The following ABTB3 variants were observed in gnomAD, a reference collection of about 807,000 sequenced individuals.
ABTB3 encodes the protein ankyrin repeat and BTB domain containing 3.
At chr12:107,524,131 G>A in the ABTB3 span, among the ~76,000 whole-genome samples, 3 of 152,226 alleles carry the variant, frequency 2.0e-5, no homozygotes, top group African/African-American at 7.2e-5. Flanking sequence ...ATTAAATGCT[G>A]TCCTCATTGA....
At chr12:107,449,579 G>C in the ABTB3 span, among the ~76,000 whole-genome samples, 1 of 152,140 alleles carries the variant, frequency 6.6e-6, no homozygotes, top group Admixed American at 6.5e-5. Flanking sequence ...GTTACAGACT[G>C]TCTGAGTACC....
At chr12:107,620,122 C>T in the ABTB3 span, 8 of 1,614,022 alleles carry the variant, frequency 5.0e-6, no homozygotes, top group East Asian at 2.2e-5. Flanking sequence ...AGCTCGTTAC[C>T]CAAGGCCTGC....
the ABTB3 span, among the ~76,000 whole-genome samples, chr12:107,513,867 G>T: frequency 6.6e-6 from 1 of 152,216 alleles, no homozygotes; most frequent in African/African-American, 2.4e-5. Context: ...GCCCAGAGCA[G>T]CAGCTTTCAT....
At chr12:107,634,202 G>C in the ABTB3 span, among the ~76,000 whole-genome samples, 1 of 152,132 alleles carries the variant, frequency 6.6e-6, no homozygotes, top group Admixed American at 6.5e-5. Flanking sequence ...CAATGAAGTA[G>C]GTAGATTTAA....
At chr12:107,348,712 G>T in the ABTB3 span, among the ~76,000 whole-genome samples, 3 of 152,172 alleles carry the variant, frequency 2.0e-5, no homozygotes, top group Non-Finnish European at 4.4e-5. Context: ...GTGACAGAGT[G>T]AGACCCTGTC....
At chr12:107,464,093 C>T in the ABTB3 span, among the ~76,000 whole-genome samples, 1 of 152,120 alleles carries the variant, frequency 6.6e-6, no homozygotes, top group Non-Finnish European at 1.5e-5. Context: ...ACTTTTCTTG[C>T]CTTGATTGGG....
the ABTB3 span, among the ~76,000 whole-genome samples, chr12:107,472,332 C>T: frequency 2.0e-5 from 3 of 152,120 alleles, no homozygotes; most frequent in Non-Finnish European, 4.4e-5. Context: ...AATCGGCAAA[C>T]GGAACCGGGG....
chr12:107,469,955 T>C, the ABTB3 span, among the ~76,000 whole-genome samples: 2 of 64,344 alleles, frequency 3.1e-5, no homozygotes, highest in Non-Finnish European at 5.5e-5. Flanking sequence ...TTTCTTTCTT[T>C]CTTTCTTTCT....
At chr12:107,483,225 G>A in the ABTB3 span, among the ~76,000 whole-genome samples, 3 of 152,066 alleles carry the variant, frequency 2.0e-5, no homozygotes, top group South Asian at 6.2e-4. Context: ...GGAGGTTTTG[G>A]AGAGATGGGA....
chr12:107,587,270 G>A, the ABTB3 span, among the ~76,000 whole-genome samples: 116 of 152,362 alleles, frequency 7.6e-4, no homozygotes, highest in African/African-American at 2.7e-3. Context: ...AATGACAACC[G>A]ATCTATATTT....
the ABTB3 span, among the ~76,000 whole-genome samples, chr12:107,326,882 A>C: frequency 1.3e-5 from 2 of 152,348 alleles, no homozygotes; most frequent in Non-Finnish European, 2.9e-5. Flanking sequence ...GTGGGGTTGT[A>C]TCCTAGCAGT....
At chr12:107,338,365 C>T in the ABTB3 span, among the ~76,000 whole-genome samples, 8 of 152,056 alleles carry the variant, frequency 5.3e-5, no homozygotes, top group Non-Finnish European at 1.0e-4. Context: ...TCACAACAGC[C>T]CTATGTTGTA....
chr12:107,353,999 G>A, the ABTB3 span, among the ~76,000 whole-genome samples: 2 of 152,154 alleles, frequency 1.3e-5, no homozygotes, highest in East Asian at 1.9e-4. Context: ...CATGTTTAAT[G>A]TTGTTTAGGA....
chr12:107,640,205 T>G, the ABTB3 span: 4 of 610,004 alleles, frequency 6.6e-6, no homozygotes, highest in Non-Finnish European at 1.1e-5. Flanking sequence ...GAGTATTTTA[T>G]CACCAAGATT....
At chr12:107,455,657 C>A in the ABTB3 span, among the ~76,000 whole-genome samples, 1 of 152,180 alleles carries the variant, frequency 6.6e-6, no homozygotes, top group African/African-American at 2.4e-5. Context: ...GGGGATAGCT[C>A]TATGGTTCTT....
chr12:107,436,180 G>T, the ABTB3 span, among the ~76,000 whole-genome samples: 213 of 152,350 alleles, frequency 1.4e-3, 1 homozygote, highest in African/African-American at 5.0e-3. Flanking sequence ...TGGCAGAAGG[G>T]TTGGGGACAT....
chr12:107,488,579 AC>A, the ABTB3 span, among the ~76,000 whole-genome samples: 2 of 152,050 alleles, frequency 1.3e-5, no homozygotes, highest in Non-Finnish European at 2.9e-5. Flanking sequence ...AACACTTTGA[AC>A]TTTTGTCTGA....
At chr12:107,348,098 G>A in the ABTB3 span, among the ~76,000 whole-genome samples, 11 of 152,026 alleles carry the variant, frequency 7.2e-5, no homozygotes, top group Non-Finnish European at 1.2e-4. Context: ...AAGGCGTGGT[G>A]GTGGGGTCCT....
the ABTB3 span, among the ~76,000 whole-genome samples, chr12:107,573,649 T>C: frequency 2.6e-5 from 4 of 152,284 alleles, no homozygotes; most frequent in South Asian, 4.1e-4. Flanking sequence ...GGAATTGGCT[T>C]ACAAGATTGT....
Sources: allele counts gnomAD v4.1 joint callset (sites outside exome capture counted in the v4.1 genomes callset), GRCh38; gene constraint gnomAD v4.1.1; transcripts MANE v1.5; gene names NCBI Gene and HGNC (gene_info 2026-07-23, HGNC 2026-07-21).